Variants in CSNK2A2IP observed in about 807,000 individuals in gnomAD.
CSNK2A2IP encodes the protein casein kinase 2 subunit alpha' interacting protein.
the CSNK2A2IP span, among the ~76,000 whole-genome samples, chr3:88,432,111 T>C: frequency 6.6e-6 from 1 of 152,040 alleles, no homozygotes; most frequent in South Asian, 2.1e-4. Flanking sequence ...TTTTCATTTT[T>C]ATGAGATTCC....
chr3:88,462,530 G>A, the CSNK2A2IP span, among the ~76,000 whole-genome samples: 1 of 152,174 alleles, frequency 6.6e-6, no homozygotes, highest in East Asian at 1.9e-4. Context: ...AGGTCATGTT[G>A]GAAAAATATA....
At chr3:88,454,250 T>C in the CSNK2A2IP span, among the ~76,000 whole-genome samples, 1 of 151,980 alleles carries the variant, frequency 6.6e-6, no homozygotes, top group Non-Finnish European at 1.5e-5. Flanking sequence ...TGTTCAAATA[T>C]TTAGCTAATT....
the CSNK2A2IP span, among the ~76,000 whole-genome samples, chr3:88,450,534 T>C: frequency 6.6e-6 from 1 of 152,180 alleles, no homozygotes; most frequent in East Asian, 1.9e-4. Flanking sequence ...AAGGAGATCA[T>C]ACAATAATTT....
the CSNK2A2IP span, among the ~76,000 whole-genome samples, chr3:88,402,856 C>G: frequency 1.3e-5 from 2 of 151,912 alleles, no homozygotes; most frequent in East Asian, 1.9e-4. Context: ...TTGATCAAAC[C>G]TTCATTTTTT....
the CSNK2A2IP span, among the ~76,000 whole-genome samples, chr3:88,424,849 C>A: frequency 3.3e-5 from 5 of 151,138 alleles, no homozygotes; most frequent in African/African-American, 4.9e-5. Flanking sequence ...GTGACATAAA[C>A]CTAAGTGTAA....
the CSNK2A2IP span, among the ~76,000 whole-genome samples, chr3:88,376,719 G>C: frequency 3.3e-5 from 5 of 151,452 alleles, no homozygotes; most frequent in African/African-American, 9.7e-5. Flanking sequence ...TCTTTTGGTG[G>C]CTACACTTAT....
chr3:88,394,178 G>C, the CSNK2A2IP span, among the ~76,000 whole-genome samples: 1 of 152,136 alleles, frequency 6.6e-6, no homozygotes, highest in East Asian at 1.9e-4. Flanking sequence ...TGGGATATTG[G>C]GTACATATAA....
chr3:88,464,728 CTT>C, the CSNK2A2IP span, among the ~76,000 whole-genome samples: 2 of 152,100 alleles, frequency 1.3e-5, no homozygotes, highest in East Asian at 1.9e-4. Flanking sequence ...TACACAAAAA[CTT>C]ATCACAGATT....
the CSNK2A2IP span, among the ~76,000 whole-genome samples, chr3:88,450,160 C>A: frequency 3.9e-5 from 6 of 151,974 alleles, no homozygotes; most frequent in African/African-American, 1.5e-4. Flanking sequence ...TGATCCACCA[C>A]ACCCAGCCTA....
the CSNK2A2IP span, among the ~76,000 whole-genome samples, chr3:88,393,730 G>C: frequency 6.6e-6 from 1 of 152,174 alleles, no homozygotes; most frequent in Non-Finnish European, 1.5e-5. Context: ...ATAAAATGGT[G>C]GAGAATGTCA....
the CSNK2A2IP span, among the ~76,000 whole-genome samples, chr3:88,419,896 T>G: frequency 1.3e-5 from 2 of 152,156 alleles, no homozygotes; most frequent in African/African-American, 4.8e-5. Flanking sequence ...TGATATTTCC[T>G]TTAGAGAAGG....
the CSNK2A2IP span, among the ~76,000 whole-genome samples, chr3:88,388,772 A>C: frequency 6.6e-6 from 1 of 152,104 alleles, no homozygotes; most frequent in African/African-American, 2.4e-5. Flanking sequence ...ATTTTTGGTT[A>C]TTTGAACATC....
At chr3:88,394,529 C>T in the CSNK2A2IP span, among the ~76,000 whole-genome samples, 98 of 152,218 alleles carry the variant, frequency 6.4e-4, no homozygotes, top group Admixed American at 2.8e-3. Context: ...TCCGCCACCA[C>T]GGCCAGCGAA....
chr3:88,457,670 T>G, the CSNK2A2IP span, among the ~76,000 whole-genome samples: 3 of 144,032 alleles, frequency 2.1e-5, no homozygotes, highest in Admixed American at 2.1e-4. Context: ...CACTCTAGCC[T>G]GGGTGAAAGA....
the CSNK2A2IP span, among the ~76,000 whole-genome samples, chr3:88,377,070 A>G: frequency 2.0e-5 from 3 of 151,780 alleles, no homozygotes; most frequent in African/African-American, 7.3e-5. Flanking sequence ...TCCAATGGCC[A>G]ACTCACTTGA....
At chr3:88,439,328 C>A in the CSNK2A2IP span, among the ~76,000 whole-genome samples, 1 of 152,102 alleles carries the variant, frequency 6.6e-6, no homozygotes, top group Non-Finnish European at 1.5e-5. Flanking sequence ...ATTTTGATCT[C>A]CCTTGTAGAT....
chr3:88,380,775 A>G, the CSNK2A2IP span, among the ~76,000 whole-genome samples: 119 of 152,322 alleles, frequency 7.8e-4, no homozygotes, highest in African/African-American at 2.7e-3. Flanking sequence ...AAGTGAAAAT[A>G]TTGTGTCAGA....
chr3:88,358,288 T>C, the CSNK2A2IP span, among the ~76,000 whole-genome samples: 2 of 146,120 alleles, frequency 1.4e-5, no homozygotes. Flanking sequence ...GCAAAGATAA[T>C]TTGACTTTTT....
chr3:88,364,827 T>C, the CSNK2A2IP span, among the ~76,000 whole-genome samples: 2 of 152,150 alleles, frequency 1.3e-5, no homozygotes, highest in Non-Finnish European at 1.5e-5. Flanking sequence ...AGACTGGATA[T>C]GGAAGAAATT....
Sources: allele counts gnomAD v4.1 joint callset (sites outside exome capture counted in the v4.1 genomes callset), GRCh38; gene constraint gnomAD v4.1.1; transcripts MANE v1.5; gene names NCBI Gene and HGNC (gene_info 2026-07-23, HGNC 2026-07-21).